Variants in PDXDC1 observed in about 807,000 individuals in gnomAD.
PDXDC1 encodes the protein pyridoxal dependent decarboxylase domain containing 1.
Under a neutral mutation model 100.1 loss-of-function variants are expected in PDXDC1, and 42 were observed. That is an observed-to-expected ratio of 0.42 (90% CI 0.33 to 0.54). The LOEUF (loss-of-function observed/expected upper bound fraction) is 0.54, where lower values mean the gene tolerates loss of function less well. Among genes scored for constraint, PDXDC1 ranks in the 20% least tolerant of loss-of-function variants. The probability of loss-of-function intolerance (pLI) is 0.10; values close to 1 mark genes in which losing one functional copy is unlikely to be tolerated. For missense variants in PDXDC1, 636 were observed against 979.2 expected (o/e 0.65, Z 4.68); for synonymous variants, 260 against 371.7 (o/e 0.70, Z 3.46).
chr16:15,029,914 T>A, intron 15 of PDXDC1, 37 bp from the exon 16 acceptor site: 1 of 1,535,708 alleles, frequency 6.5e-7, no homozygotes, highest in South Asian at 1.2e-5. Context: ...TCTGAGTCCC[T>A]TGTTACAGGA....
intron 16 of PDXDC1, among the ~76,000 whole-genome samples, chr16:15,078,639 C>T (rs572967011): frequency 1.2e-4 from 19 of 152,202 alleles, no homozygotes; most frequent in African/African-American, 4.6e-4. Context: ...CCCCATACTT[C>T]TGATCACCCT....
intron 16 of PDXDC1, chr16:15,060,011 C>A (rs796656988): frequency 1.9e-3 from 306 of 158,364 alleles, no homozygotes; most frequent in African/African-American, 5.5e-3. Flanking sequence ...AAAAAAAAAA[C>A]AAAACAGAAA....
intron 16 of PDXDC1, among the ~76,000 whole-genome samples, chr16:15,063,788 TAA>T (rs761900994): frequency 5.0e-4 from 76 of 151,992 alleles, no homozygotes; most frequent in Non-Finnish European, 8.8e-4. Context: ...TCTTTCTGTA[TAA>T]GAGTTCATTC....
At chr16:15,052,183 A>G (rs1188510140) in intron 16 of PDXDC1, among the ~76,000 whole-genome samples, 1 of 152,214 alleles carries the variant, frequency 6.6e-6, no homozygotes, top group Non-Finnish European at 1.5e-5. Context: ...CTCTGCTGTT[A>G]TTATGAAGTG....
chr16:14,990,947 G>A (rs1389203678), intron 1 of PDXDC1, among the ~76,000 whole-genome samples: 1 of 152,282 alleles, frequency 6.6e-6, no homozygotes, highest in Non-Finnish European at 1.5e-5. Context: ...TGCCGTGTTA[G>A]CCAAGCTGGT....
Position 15,034,345 on chromosome 16 carries a change from G to A in PDXDC1, c.1872G>A (p.Leu624=). Residue 624 remains leucine, a synonymous_variant, in exon 20 of 23, where the codon CTG becomes CTA. Coordinates refer to ENST00000396410, the MANE Select transcript of PDXDC1 (RefSeq NM_015027.4). ...GCATTCAGGAAGCTCAAGTGGAGCT[G>A]CAGAAGGCAAGTGAAGAACGGCTTC... is the stretch of plus-strand genomic sequence containing the variant. The part of the protein sequence containing the change: ...RKGIQEAQVE[L]QKASEERLLE... 1.9e-6 allele frequency: 3 copies of A among 1,613,486 alleles called. No individual in the cohort carries two copies. The highest frequency in any genetic ancestry group is 2.5e-6 in the Non-Finnish European group (3 of 1,179,978).
At chr16:15,017,233 A>C in intron 10 of PDXDC1, 65 bp downstream of exon 10, 2 of 1,609,924 alleles carry the variant, frequency 1.2e-6, no homozygotes, top group Non-Finnish European at 1.7e-6. Context: ...TCAGTCCCTC[A>C]TGGCTCTTCA....
chr16:15,064,268 C>T (rs2044855658), intron 16 of PDXDC1, among the ~76,000 whole-genome samples: 1 of 152,034 alleles, frequency 6.6e-6, no homozygotes, highest in South Asian at 2.1e-4. Flanking sequence ...CTCCACCTCC[C>T]GGGTTCAAGA....
intron 1 of PDXDC1, among the ~76,000 whole-genome samples, chr16:14,990,619 G>C (rs1246578223): frequency 6.6e-6 from 1 of 152,282 alleles, no homozygotes; most frequent in Non-Finnish European, 1.5e-5. Flanking sequence ...ACAAACACGT[G>C]AGGGTCTATG....
intron 16 of PDXDC1, chr16:15,125,107 A>C: frequency 2.4e-6 from 1 of 417,738 alleles, no homozygotes; most frequent in Non-Finnish European, 4.3e-6. Context: ...AGATCGTACC[A>C]TTGCACTCCA....
chr16:15,022,813 T>A lies in PDXDC1; in HGVS notation c.1140+59T>A, dbSNP rs1354996413. 4 of 1,312,738 alleles carry A rather than the reference T, an allele frequency of 3.0e-6. No homozygotes were observed. In the African/African-American group the frequency reaches 5.9e-5, roughly 19 times the overall value. 81.3% of individuals were successfully genotyped at this position (1,312,738 alleles called of 1,614,324 possible). On this transcript the variant is annotated intron_variant, in intron 13 of 22. Transcript: ENST00000396410. ...TAACTTTTTTTGAACCTCAGCAACT[T>A]TGAATGATTTTAGAACTTTAGAATG...
chr16:15,084,842 G>C (rs2045854337), intron 16 of PDXDC1: 1 of 674,948 alleles, frequency 1.5e-6, no homozygotes. Context: ...GAGGTGGGTG[G>C]ATCACCTGAG....
intron 16 of PDXDC1, among the ~76,000 whole-genome samples, chr16:15,124,819 G>A (rs2047616032): frequency 6.6e-6 from 1 of 150,894 alleles, no homozygotes; most frequent in South Asian, 2.1e-4. Flanking sequence ...CAAAAGTATG[G>A]AATTCAATTC....
At chr16:15,028,857 C>G in intron 14 of PDXDC1, 21 bp from the exon 15 acceptor site, 1 of 1,610,890 alleles carries the variant, frequency 6.2e-7, no homozygotes, top group Non-Finnish European at 8.5e-7. Flanking sequence ...GAGTGACTCC[C>G]TTTCTGTGTT....
At chr16:14,991,050 C>T (rs879827455) in intron 1 of PDXDC1, among the ~76,000 whole-genome samples, 2 of 152,280 alleles carry the variant, frequency 1.3e-5, no homozygotes, top group Non-Finnish European at 2.9e-5. Flanking sequence ...CCAGCAAGAA[C>T]AATTTAAACA....
chr16:14,989,336 C>T (rs1206101817), intron 1 of PDXDC1: 1 of 1,612,698 alleles, frequency 6.2e-7, no homozygotes, highest in Admixed American at 1.7e-5. Flanking sequence ...TCTTGGGAGC[C>T]ACTTGGAGGC....
In PDXDC1 at chr16:15,031,899, G is replaced by T. The variant is rs1172198072; in HGVS notation, c.1564G>T (p.Val522Phe). 6.2e-7 allele frequency: 1 copy of T among 1,606,488 alleles called. No homozygotes were observed. The highest frequency in any genetic ancestry group is 1.1e-5 in the South Asian group (1 of 90,100). Residue 522 changes from valine to phenylalanine, a missense_variant, in exon 17 of 23, where the codon GTT becomes TTT. By Grantham distance (50) the Val-to-Phe change is conservative. Coordinates refer to ENST00000396410, the MANE Select transcript of PDXDC1 (RefSeq NM_015027.4). ...VDDPNWSGIG[V>F]VRYEHANDDK... ...TGACCCTAACTGGTCTGGAATAGGG[G>T]TTGTCAGGTAAAGTCTTGGCCTGCC... is the stretch of plus-strand genomic sequence containing the variant.
downstream of PDXDC1, among the ~76,000 whole-genome samples, chr16:15,141,102 TCCC>T (rs2048467486): frequency 6.8e-6 from 1 of 146,180 alleles, no homozygotes; most frequent in Non-Finnish European, 1.5e-5. Context: ...CCACCCTCCA[TCCC>T]TGAGCACCCG....
At chr16:15,142,627 C>G (rs1182363287), downstream of PDXDC1, among the ~76,000 whole-genome samples, 4 of 152,140 alleles carry the variant, frequency 2.6e-5, no homozygotes, top group Admixed American at 2.6e-4. Flanking sequence ...GTACAGGGAT[C>G]CCCGTGGAGT....
Sources: allele counts gnomAD v4.1 joint callset (sites outside exome capture counted in the v4.1 genomes callset), GRCh38; gene constraint gnomAD v4.1.1; transcripts MANE v1.5; gene names NCBI Gene and HGNC (gene_info 2026-07-23, HGNC 2026-07-21).